Variants in SIPA1L1 observed in about 807,000 individuals in gnomAD.
SIPA1L1 encodes signal induced proliferation associated 1 like 1.
Under a neutral mutation model 162.7 loss-of-function variants are expected in SIPA1L1, and 26 were observed. That is an observed-to-expected ratio of 0.16 (90% CI 0.12 to 0.22). The LOEUF is 0.22. Among genes scored for constraint, SIPA1L1 ranks in the 10% least tolerant of loss-of-function variants. The pLI is 1.00. For missense variants in SIPA1L1, 1,874 were observed against 2,241.0 expected (o/e 0.84, Z 3.31); for synonymous variants, 829 against 837.4 (o/e 0.99, Z 0.17).
At chr14:71,510,584 T>A (rs1567127256) in intron 2 of SIPA1L1, among the ~76,000 whole-genome samples, 1 of 152,162 alleles carries the variant, frequency 6.6e-6, no homozygotes, top group African/African-American at 2.4e-5. Flanking sequence ...GCATAGAATG[T>A]TTTTGCCCTA....
At chr14:71,482,026 C>T (rs1046859521) in intron 2 of SIPA1L1, among the ~76,000 whole-genome samples, 2 of 152,142 alleles carry the variant, frequency 1.3e-5, no homozygotes, top group African/African-American at 4.8e-5. Flanking sequence ...AGGGCTTGAA[C>T]GCTGCCCTCC....
rs192419124 is a variant in SIPA1L1, at chr14:71,446,679, A to G, written c.-464-66064A>G. ...TTTTGTGTGTGTGCATTTTTATATA[A>G]ATGCTTGATTGTTTTCTTAGGATAA... On this transcript the variant is annotated intron_variant, in intron 2 of 23. Transcript: ENST00000381232. Among the ~76,000 whole-genome samples the G allele has an allele frequency of 4.9e-4, 74 of 152,180 alleles. 1 individual carries two copies. The highest frequency in any genetic ancestry group is 1.8e-3 in the African/African-American group (73 of 41,514).
chr14:71,353,986 T>G (rs1301847051), intron 2 of SIPA1L1, among the ~76,000 whole-genome samples: 1 of 152,018 alleles, frequency 6.6e-6, no homozygotes, highest in African/African-American at 2.4e-5. Flanking sequence ...AGACACAATT[T>G]CAAAATAAAG....
chr14:71,430,800 C>T (rs77188647), intron 2 of SIPA1L1, among the ~76,000 whole-genome samples: 2 of 152,254 alleles, frequency 1.3e-5, no homozygotes, highest in Admixed American at 6.5e-5. Flanking sequence ...TTCTTTTCAC[C>T]ACCTGTCAAG....
At chr14:71,456,345 G>C (rs1375658206) in intron 2 of SIPA1L1, among the ~76,000 whole-genome samples, 2 of 152,152 alleles carry the variant, frequency 1.3e-5, no homozygotes, top group East Asian at 1.9e-4. Flanking sequence ...ATAAATGTAA[G>C]AAATTCTTAT....
At chr14:71,344,449 C>G (rs531191199) in intron 2 of SIPA1L1, among the ~76,000 whole-genome samples, 1 of 152,324 alleles carries the variant, frequency 6.6e-6, no homozygotes, top group South Asian at 2.1e-4. Flanking sequence ...TGTAAGGCAG[C>G]AGGCCCAGTG....
At chr14:71,388,739 T>C (rs988073526) in intron 2 of SIPA1L1, among the ~76,000 whole-genome samples, 11 of 152,236 alleles carry the variant, frequency 7.2e-5, no homozygotes, top group Admixed American at 7.2e-4. Flanking sequence ...CAGCCCTGGC[T>C]GAACATCAGA....
intron 4 of SIPA1L1, among the ~76,000 whole-genome samples, chr14:71,541,745 CCTGG>C (rs1266206029): frequency 6.6e-6 from 1 of 152,136 alleles, no homozygotes; most frequent in Non-Finnish European, 1.5e-5. Flanking sequence ...TGCATTCCAG[CCTGG>C]GTGACAGAGT....
At chr14:71,422,473 TC>T (rs2043257575) in intron 2 of SIPA1L1, among the ~76,000 whole-genome samples, 1 of 152,138 alleles carries the variant, frequency 6.6e-6, no homozygotes, top group South Asian at 2.1e-4. Flanking sequence ...AAACAGTAAC[TC>T]CCCATTCCTA....
intron 2 of SIPA1L1, among the ~76,000 whole-genome samples, chr14:71,462,229 A>T (rs150782507): frequency 3.4e-3 from 521 of 152,334 alleles, no homozygotes; most frequent in Middle Eastern, 0.01. Flanking sequence ...TTACCTGCAG[A>T]AGGCGGCAGA....
intron 2 of SIPA1L1, chr14:71,330,294 G>A (rs2034368663): frequency 5.4e-6 from 4 of 743,604 alleles, no homozygotes; most frequent in East Asian, 2.5e-5. Flanking sequence ...TAGTTAGCAT[G>A]TTGTGGGAGA....
intron 2 of SIPA1L1, among the ~76,000 whole-genome samples, chr14:71,511,627 G>A (rs1459346549): frequency 6.6e-6 from 1 of 152,108 alleles, no homozygotes; most frequent in Non-Finnish European, 1.5e-5. Context: ...TTAGTCCTTG[G>A]TTCCTGACAC....
intron 4 of SIPA1L1, among the ~76,000 whole-genome samples, chr14:71,584,891 T>C (rs1490258919): frequency 1.3e-5 from 2 of 152,344 alleles, no homozygotes; most frequent in African/African-American, 4.8e-5. Flanking sequence ...ATATTGGTAC[T>C]TAGGCAGGTT....
Position 71,663,847 on chromosome 14 carries a change from C to T in SIPA1L1, c.2255+2380C>T, listed in dbSNP as rs1281687137. Among the ~76,000 whole-genome samples the T allele has an allele frequency of 2.0e-5, 3 of 152,212 alleles. No individual in the cohort carries two copies. In the East Asian group the frequency reaches 5.8e-4, roughly 29 times the overall value. The stretch of plus-strand genomic sequence containing the variant: ...CCTAGTTACCAGGCTTGTTTGAAGG[C>T]CCAACACACAGCTTTTAAGCTGTGA... On this transcript the variant is annotated intron_variant, in intron 10 of 23. Transcript: ENST00000381232.
chr14:71,613,847 G>A lies in SIPA1L1; in HGVS notation c.1499-4910G>A, dbSNP rs549210649. ...ATCACAGAGCAAGTGTAGACATACT[G>A]CCCGGGGACTAGGGGCCTGAAGGAA... On this transcript the variant is annotated intron_variant, in intron 5 of 23. Transcript: ENST00000381232. Among the ~76,000 whole-genome samples the A allele has an allele frequency of 6.9e-4, 102 of 147,382 alleles. 1 individual carries two copies. The highest frequency in any genetic ancestry group is 2.4e-3 in the African/African-American group (99 of 40,530).
At chr14:71,621,894 TATA>T (rs2039489099) in intron 6 of SIPA1L1, among the ~76,000 whole-genome samples, 1 of 152,222 alleles carries the variant, frequency 6.6e-6, no homozygotes, top group Non-Finnish European at 1.5e-5. Flanking sequence ...CTAGGTTTTG[TATA>T]ATTTTTTTCT....
chr14:71,487,047 C>G (rs756886577), intron 2 of SIPA1L1, among the ~76,000 whole-genome samples: 7 of 152,194 alleles, frequency 4.6e-5, no homozygotes, highest in Non-Finnish European at 1.0e-4. Flanking sequence ...CAAATTCTGC[C>G]ATAATCTTCT....
chr14:71,731,325 G>A (rs918235159), intron 20 of SIPA1L1, among the ~76,000 whole-genome samples: 4 of 151,936 alleles, frequency 2.6e-5, no homozygotes, highest in African/African-American at 9.7e-5. Flanking sequence ...AGCTTCCCCT[G>A]CTCCTTAAAT....
intron 2 of SIPA1L1, among the ~76,000 whole-genome samples, chr14:71,435,527 A>G (rs1240098412): frequency 6.6e-6 from 1 of 152,220 alleles, no homozygotes; most frequent in African/African-American, 2.4e-5. Flanking sequence ...ATGGCTGCAT[A>G]GTATTCCATG....
Sources: gnomAD v4.1 joint callset for allele counts (sites outside exome capture counted in the v4.1 genomes callset) on GRCh38, gnomAD v4.1.1 for gene constraint, MANE v1.5 for transcripts, NCBI Gene and HGNC (gene_info 2026-07-23, HGNC 2026-07-21) for gene names.